LMX1B: variants seen among roughly 807,000 people sequenced by gnomAD.
LMX1B encodes LIM homeobox transcription factor 1 beta.
In LMX1B, 12 loss-of-function variants were observed where a neutral mutation model predicts 51.4. The observed-to-expected ratio is 0.23, with a 90% CI of 0.15 to 0.38. The LOEUF is 0.38. Ranked by LOEUF, LMX1B falls within the 10% of genes least tolerant of loss-of-function variation. The pLI is 1.00. For missense variants in LMX1B, 445 were observed against 571.1 expected (o/e 0.78, Z 2.25); for synonymous variants, 237 against 235.4 (o/e 1.01, Z -0.06).
At position 126,696,001 on chromosome 9, in the gene LMX1B, A is replaced by G. The variant is rs1164765483; in HGVS notation, c.1049A>G (p.Tyr350Cys). 2.5e-6 allele frequency: 4 copies of G among 1,601,278 alleles called. No homozygotes were observed. The highest frequency in any genetic ancestry group is 3.4e-6 in the Non-Finnish European group (4 of 1,174,768). The change falls in exon 7 of 8, where the codon TAT becomes TGT. Residue 350 changes from tyrosine to cysteine, a missense_variant and splice_region_variant. Tyr to Cys is a radical substitution (Grantham distance 194, BLOSUM62 -2). This residue lies in a region of LMX1B where 162 missense variants were observed against 187.8 expected (regional missense o/e 0.86). Transcript: ENST00000373474. ...ATGCCAGGTGACCACATGAACCCCT[A>G]TGGTAAGCCGCCCTACCCCCACCCG... Reference protein sequence around the residue: ...PQMPGDHMNPYGNDSIFHDID... With the variant: ...PQMPGDHMNPCGNDSIFHDID...
chr9:126,653,141 G>GTT (rs1836052341), intron 2 of LMX1B, among the ~76,000 whole-genome samples: 1 of 103,250 alleles, frequency 9.7e-6, no homozygotes, highest in African/African-American at 3.7e-5. Flanking sequence ...TCAAGTAGAT[G>GTT]CTTTTTTTTT....
chr9:126,684,474 G>C (rs1836737502), intron 2 of LMX1B, among the ~76,000 whole-genome samples: 1 of 152,170 alleles, frequency 6.6e-6, no homozygotes, highest in Admixed American at 6.5e-5. Context: ...ACCAGGGAGG[G>C]ACAGGTCAAA....
At position 126,700,521 on chromosome 9, in the gene LMX1B, C is replaced by G. The variant is rs2030503237; in HGVS notation, c.*4070C>G. On this transcript the variant is annotated 3_prime_UTR_variant, in exon 8 of 8. Transcript: ENST00000373474. ...GGGCACCACCTAGGGTGAGGGAGAG[C>G]CTGCAGCTCTGGGGCTAAGTCTGCC... The G allele has an allele frequency of 6.6e-6, 1 of 152,364 alleles. No homozygotes were observed. The highest frequency in any genetic ancestry group is 1.5e-5 in the Non-Finnish European group (1 of 68,154). The allele number at this position is 152,364 out of a possible 1,614,324, so 9.4% of individuals were successfully genotyped here. A position where few individuals can be genotyped will look rare whatever the true frequency, so the allele number is the denominator to read the frequency against.
chr9:126,656,467 C>T (rs552330892), intron 2 of LMX1B, among the ~76,000 whole-genome samples: 1 of 152,232 alleles, frequency 6.6e-6, no homozygotes, highest in African/African-American at 2.4e-5. Context: ...GGCCATCTCC[C>T]CAGGCTCATG....
In LMX1B at chr9:126,626,996, C is replaced by G. The variant is rs1259486843; in HGVS notation, c.326+11427C>G. ...AGGCCTTGGTCTTGGGGGAGGCCCC[C>G]GCCTGAGCATTGATAAGGGTCTGGA... On this transcript the variant is annotated intron_variant, in intron 2 of 7. Coordinates refer to ENST00000373474, the MANE Select transcript of LMX1B (RefSeq NM_001174147.2). This position sits in a 1 kb window ranked among gnomAD's most constrained non-coding sequence, Gnocchi z 4.3. Among the ~76,000 whole-genome samples, 1 of 152,232 alleles carries G rather than the reference C, an allele frequency of 6.6e-6. No homozygotes were observed. The highest frequency in any genetic ancestry group is 1.5e-5 in the Non-Finnish European group (1 of 68,040).
intron 2 of LMX1B, among the ~76,000 whole-genome samples, chr9:126,678,246 C>G (rs1836604082): frequency 6.7e-6 from 1 of 149,986 alleles, no homozygotes; most frequent in Non-Finnish European, 1.5e-5. Flanking sequence ...GGAGGTGGAG[C>G]TTGCAGTGAG....
chr9:126,670,113 C>T (rs769501658), intron 2 of LMX1B, among the ~76,000 whole-genome samples: 2 of 152,150 alleles, frequency 1.3e-5, no homozygotes, highest in African/African-American at 2.4e-5. Flanking sequence ...AAGAGAGTCC[C>T]GGCGTGTGCC....
chr9:126,625,767 G>A lies in LMX1B; in HGVS notation c.326+10198G>A, dbSNP rs1835514663. ...AGGGCTTTCCTGCGGCGCTCTGGCCGCAGAGACCCAGCCCTGTCTGCCGAC... is the reference window on the plus strand; with the variant it reads ...AGGGCTTTCCTGCGGCGCTCTGGCCACAGAGACCCAGCCCTGTCTGCCGAC... On this transcript the variant is annotated intron_variant, in intron 2 of 7. Coordinates refer to ENST00000373474, the MANE Select transcript of LMX1B (RefSeq NM_001174147.2). This position sits in a 1 kb window ranked among gnomAD's most constrained non-coding sequence, Gnocchi z 5.3. Among the ~76,000 whole-genome samples, 1 of 152,190 alleles carries A rather than the reference G, an allele frequency of 6.6e-6. No individual in the cohort carries two copies. Among genetic ancestry groups the A allele is most frequent in the Admixed American group, 6.5e-5 (1 of 15,282 alleles).
At chr9:126,623,318 A>C (rs1301926209) in intron 2 of LMX1B, among the ~76,000 whole-genome samples, 1 of 152,138 alleles carries the variant, frequency 6.6e-6, no homozygotes, top group Non-Finnish European at 1.5e-5. Flanking sequence ...CATTTTTTCC[A>C]AGAGACTCCT....
intron 6 of LMX1B, among the ~76,000 whole-genome samples, chr9:126,694,474 C>T: frequency 6.6e-6 from 1 of 152,190 alleles, no homozygotes; most frequent in Non-Finnish European, 1.5e-5. Flanking sequence ...ATGAGTCAGG[C>T]CCCCTCATCA....
intron 2 of LMX1B, among the ~76,000 whole-genome samples, chr9:126,632,055 C>T (rs1478691051): frequency 6.6e-6 from 1 of 152,200 alleles, no homozygotes; most frequent in Non-Finnish European, 1.5e-5. Context: ...TGGGCTTGGC[C>T]TCTTTCTAGC....
At chr9:126,634,552 A>G (rs1835681208) in intron 2 of LMX1B, among the ~76,000 whole-genome samples, 1 of 151,422 alleles carries the variant, frequency 6.6e-6, no homozygotes, top group African/African-American at 2.4e-5. Flanking sequence ...CCCCATGGAG[A>G]TTTTCAGTTA....
chr9:126,625,311 G>C lies in LMX1B; in HGVS notation c.326+9742G>C, dbSNP rs1034206434. Among the ~76,000 whole-genome samples the C allele has an allele frequency of 5.3e-5, 8 of 152,220 alleles. No homozygotes were observed. Among genetic ancestry groups the C allele is most frequent in the Non-Finnish European group, 1.2e-4 (8 of 68,050 alleles). On this transcript the variant is annotated intron_variant, in intron 2 of 7. Coordinates refer to ENST00000373474, the MANE Select transcript of LMX1B (RefSeq NM_001174147.2). The surrounding 1 kb of genome is among the most constrained non-coding windows in gnomAD (Gnocchi z 5.3). ...TTTTGCGGGTGCCTTAATTGGCAGCGTCTGGAAAATGGGGACAGTGACCCC... is the reference window on the plus strand; with the variant it reads ...TTTTGCGGGTGCCTTAATTGGCAGCCTCTGGAAAATGGGGACAGTGACCCC...
Position 126,637,295 on chromosome 9 carries a change from AGT to A in LMX1B, c.326+21737_326+21738del, listed in dbSNP as rs199529176. ...ATACGGCAGGAGCAGCGCCTGTGTCAGTGTGTGTGTGTCAGTGTGTGTGTCCC... is the reference window on the plus strand; with the variant it reads ...ATACGGCAGGAGCAGCGCCTGTGTCAGTGTGTGTGTCAGTGTGTGTGTCCC... On this transcript the variant is annotated intron_variant, in intron 2 of 7. Coordinates refer to ENST00000373474, the MANE Select transcript of LMX1B (RefSeq NM_001174147.2). Among the ~76,000 whole-genome samples the A allele has an allele frequency of 3.2e-3, 486 of 152,026 alleles. 6 individuals are homozygous for A. Among genetic ancestry groups the A allele is most frequent in the African/African-American group, 0.011 (459 of 41,456 alleles).
Position 126,700,969 on chromosome 9 carries a change from T to C in LMX1B, c.*4518T>C, listed in dbSNP as rs1056831760. The C allele has an allele frequency of 5.3e-5, 8 of 152,112 alleles. No homozygotes were observed. The highest frequency in any genetic ancestry group is 1.9e-4 in the African/African-American group (8 of 41,358). 9.4% of individuals were successfully genotyped at this position (152,112 alleles called of 1,614,324 possible). Reference sequence around the variant, plus strand: ...CACCTCTTCCCACAACAGCAGAAAATGGAAACAACAACAAAAAAAGATGAG... The same window carrying C: ...CACCTCTTCCCACAACAGCAGAAAACGGAAACAACAACAAAAAAAGATGAG... On this transcript the variant is annotated 3_prime_UTR_variant, in exon 8 of 8. Transcript: ENST00000373474.
intron 2 of LMX1B, among the ~76,000 whole-genome samples, chr9:126,667,847 C>T (rs1270746710): frequency 6.6e-6 from 1 of 152,196 alleles, no homozygotes; most frequent in Non-Finnish European, 1.5e-5. Context: ...ACAGTGCCTG[C>T]CCACAGTAGC....
rs181293414 is a variant in LMX1B, at chr9:126,680,590, G to A, written c.327-10246G>A. Among the ~76,000 whole-genome samples the A allele has an allele frequency of 1.2e-4, 18 of 152,254 alleles. No individual in the cohort carries two copies. The East Asian group carries it at 2.7e-3, about 23-fold the overall frequency. On this transcript the variant is annotated intron_variant, in intron 2 of 7. Transcript: ENST00000373474. ...AGTGAGAATGGGGGAAGGTACCTGG[G>A]ACTAGCTCAAAAAGGTACCTGGGAC...
chr9:126,653,373 C>T (rs564659100), intron 2 of LMX1B, among the ~76,000 whole-genome samples: 1 of 152,132 alleles, frequency 6.6e-6, no homozygotes, highest in East Asian at 1.9e-4. Flanking sequence ...TCAACCTGGT[C>T]TCCAACTTCT....
intron 2 of LMX1B, among the ~76,000 whole-genome samples, chr9:126,685,554 C>T (rs1407420935): frequency 1.3e-5 from 2 of 152,098 alleles, no homozygotes; most frequent in Non-Finnish European, 2.9e-5. Flanking sequence ...GGCGGAGGGG[C>T]TGGACAGGGT....
Sources: gnomAD v4.1 joint callset for allele counts (sites outside exome capture counted in the v4.1 genomes callset) on GRCh38, gnomAD v4.1.1 for gene constraint, gnomAD v4.1.1 regional missense constraint, Gnocchi (gnomAD v3.1) non-coding constraint, MANE v1.5 for transcripts, NCBI Gene and HGNC (gene_info 2026-07-23, HGNC 2026-07-21) for gene names.